LYPD6B: variants seen among roughly 807,000 people sequenced by gnomAD.
LYPD6B encodes the protein ly6/PLAUR domain-containing protein 6B.
Under a neutral mutation model 22.8 loss-of-function variants are expected in LYPD6B, and 17 were observed. The ratio of observed to expected loss-of-function variants is 0.75; its 90% CI spans 0.51 to 1.12. The LOEUF (loss-of-function observed/expected upper bound fraction) is 1.12, where lower values mean the gene tolerates loss of function less well. Ranked by LOEUF, LYPD6B falls within the 50% of genes most tolerant of loss-of-function variation. LYPD6B has a pLI of 0.00. For missense variants in LYPD6B, 221 were observed against 258.3 expected (o/e 0.86, Z 0.99); for synonymous variants, 106 against 91.6 (o/e 1.16, Z -0.90).
chr2:149,210,546 T>C (rs552516079), intron 5 of LYPD6B, among the ~76,000 whole-genome samples: 1 of 152,258 alleles, frequency 6.6e-6, no homozygotes, highest in Non-Finnish European at 1.5e-5. Flanking sequence ...TCGGGGCAAA[T>C]AGGCCTACGG....
chr2:149,108,549 T>C (rs1160761598), intron 1 of LYPD6B, among the ~76,000 whole-genome samples: 1 of 152,202 alleles, frequency 6.6e-6, no homozygotes, highest in Non-Finnish European at 1.5e-5. Flanking sequence ...GAATTGTGAA[T>C]CTTTTACCTT....
intron 1 of LYPD6B, among the ~76,000 whole-genome samples, chr2:149,097,655 G>GGAAGATA (rs1229081366): frequency 6.6e-6 from 1 of 152,114 alleles, no homozygotes; most frequent in East Asian, 1.9e-4. Context: ...ACTCTCTTTT[G>GGAAGATA]GAAGATAGAG....
chr2:149,178,965 G>T (rs544336373), intron 3 of LYPD6B, among the ~76,000 whole-genome samples: 4 of 152,176 alleles, frequency 2.6e-5, no homozygotes, highest in Non-Finnish European at 5.9e-5. Context: ...GTCTACTACC[G>T]TCGTCATGAG....
chr2:149,191,491 T>C (rs1170040913), intron 3 of LYPD6B, among the ~76,000 whole-genome samples: 1 of 152,220 alleles, frequency 6.6e-6, no homozygotes, highest in African/African-American at 2.4e-5. Context: ...CAAATTCTTA[T>C]ATGTATTTGA....
chr2:149,171,307 C>T (rs1414312519), intron 3 of LYPD6B, among the ~76,000 whole-genome samples: 1 of 152,126 alleles, frequency 6.6e-6, no homozygotes, highest in African/African-American at 2.4e-5. Flanking sequence ...ATGCCCTTCT[C>T]CTTGAGGCAT....
intron 1 of LYPD6B, among the ~76,000 whole-genome samples, chr2:149,065,853 G>C (rs1417728280): frequency 6.6e-6 from 1 of 152,008 alleles, no homozygotes; most frequent in Non-Finnish European, 1.5e-5. Context: ...GGACTACAGG[G>C]GCATGCCACT....
At chr2:149,072,650 C>T (rs1684676721) in intron 1 of LYPD6B, among the ~76,000 whole-genome samples, 1 of 151,946 alleles carries the variant, frequency 6.6e-6, no homozygotes, top group Non-Finnish European at 1.5e-5. Flanking sequence ...GATTCTTGTG[C>T]CTCAGCCTCC....
intron 1 of LYPD6B, among the ~76,000 whole-genome samples, chr2:149,083,039 A>G (rs144612519): frequency 0.016 from 2,416 of 152,308 alleles, 59 homozygotes; most frequent in African/African-American, 0.055. Flanking sequence ...TAATGAAGCC[A>G]ACGCAAAAAT....
intron 3 of LYPD6B, among the ~76,000 whole-genome samples, chr2:149,193,896 G>C (rs932592336): frequency 1.3e-5 from 2 of 152,156 alleles, no homozygotes; most frequent in Non-Finnish European, 2.9e-5. Context: ...CAATAAAAGA[G>C]TACAGCCCAG....
chr2:149,044,011 A>G (rs1444536765), intron 1 of LYPD6B, among the ~76,000 whole-genome samples: 1 of 152,058 alleles, frequency 6.6e-6, no homozygotes, highest in Non-Finnish European at 1.5e-5. Context: ...TGCCAACACT[A>G]CAGTATCTTG....
At chr2:149,073,630 C>G (rs1684747810) in intron 1 of LYPD6B, among the ~76,000 whole-genome samples, 1 of 152,030 alleles carries the variant, frequency 6.6e-6, no homozygotes, top group African/African-American at 2.4e-5. Flanking sequence ...CCACTCGGTG[C>G]TTTTGCTTAT....
chr2:149,213,039 A>C lies in LYPD6B; in HGVS notation c.376A>C (p.Ser126Arg), dbSNP rs752177335. 1 of 1,614,008 alleles carries C rather than the reference A, an allele frequency of 6.2e-7. No homozygotes were observed. The change falls in exon 6 of 7, where the codon AGC becomes CGC. Residue 126 changes from serine (S) to arginine (R), a missense_variant. By Grantham distance (110) the Ser-to-Arg change is moderately radical. Coordinates refer to ENST00000409642, the MANE Select transcript of LYPD6B (RefSeq NM_177964.5). ...TVHHFTSHGR[S>R]TSITKKCASR... ...TCATCACTTCACCAGCCACGGAAGA[A>C]GCACATCCATCACCAAAAAGTGTGC...
chr2:149,150,974 A>G (rs57056083), intron 2 of LYPD6B, among the ~76,000 whole-genome samples: 2,584 of 152,026 alleles, frequency 0.017, 80 homozygotes, highest in African/African-American at 0.059. Flanking sequence ...TATTCTTTTT[A>G]CAAAGAAATA....
chr2:149,178,902 T>C (rs1691512186), intron 3 of LYPD6B, among the ~76,000 whole-genome samples: 1 of 152,218 alleles, frequency 6.6e-6, no homozygotes. Flanking sequence ...GGGATGGAGA[T>C]TGCTTTTTAA....
intron 2 of LYPD6B, among the ~76,000 whole-genome samples, chr2:149,140,151 G>A (rs946757674): frequency 6.6e-6 from 1 of 152,176 alleles, no homozygotes; most frequent in Admixed American, 6.5e-5. Context: ...GGAGGGATTG[G>A]ACAGATTGTT....
At chr2:149,108,132 C>G (rs1476360242) in intron 1 of LYPD6B, among the ~76,000 whole-genome samples, 1 of 152,132 alleles carries the variant, frequency 6.6e-6, no homozygotes. Flanking sequence ...CTCACAAGAT[C>G]TGATGGTTTA....
chr2:149,113,455 A>T (rs893920622), intron 1 of LYPD6B, among the ~76,000 whole-genome samples: 8 of 152,198 alleles, frequency 5.3e-5, no homozygotes, highest in African/African-American at 1.9e-4. Context: ...GTCAAGAAAG[A>T]TAAATAGCAT....
chr2:149,176,690 A>T (rs1691330816), intron 3 of LYPD6B, among the ~76,000 whole-genome samples: 1 of 152,104 alleles, frequency 6.6e-6, no homozygotes, highest in Non-Finnish European at 1.5e-5. Context: ...CTGATGTTTT[A>T]CTTTGGTGGG....
intron 1 of LYPD6B, among the ~76,000 whole-genome samples, chr2:149,126,953 T>A (rs1323220126): frequency 6.6e-6 from 1 of 151,790 alleles, no homozygotes. Flanking sequence ...TTTCATAAGC[T>A]TTGTCAGGTC....
Sources: allele counts gnomAD v4.1 joint callset (sites outside exome capture counted in the v4.1 genomes callset), GRCh38; gene constraint gnomAD v4.1.1; transcripts MANE v1.5; gene names NCBI Gene and HGNC (gene_info 2026-07-23, HGNC 2026-07-21).